SLC35F3: variants seen among roughly 807,000 people sequenced by gnomAD.
SLC35F3 encodes solute carrier family 35 member F3, also known as putative thiamine transporter SLC35F3.
Under a neutral mutation model 49.9 loss-of-function variants are expected in SLC35F3, and 25 were observed. The observed-to-expected ratio is 0.50, with a 90% CI of 0.37 to 0.70. The LOEUF (loss-of-function observed/expected upper bound fraction) is 0.70. Among genes scored for constraint, SLC35F3 ranks in the 30% least tolerant of loss-of-function variants. SLC35F3 has a pLI of 0.00. For synonymous variants in SLC35F3, 275 were observed against 265.4 expected (o/e 1.04, Z -0.35); for missense variants, 525 against 639.8 (o/e 0.82, Z 1.94).
At chr1:234,215,683 T>G (rs1211236677) in intron 2 of SLC35F3, among the ~76,000 whole-genome samples, 1 of 152,234 alleles carries the variant, frequency 6.6e-6, no homozygotes, top group Non-Finnish European at 1.5e-5. Context: ...ACTTCTTGTT[T>G]ATTACAATGA....
intron 2 of SLC35F3, among the ~76,000 whole-genome samples, chr1:234,048,029 G>A (rs1427993111): frequency 6.6e-6 from 1 of 152,074 alleles, no homozygotes; most frequent in Non-Finnish European, 1.5e-5. Context: ...ATTGGAAATT[G>A]GAGGAAAGAT....
At chr1:233,925,743 TTTGG>T (rs1213637953) in intron 2 of SLC35F3, among the ~76,000 whole-genome samples, 4 of 152,250 alleles carry the variant, frequency 2.6e-5, no homozygotes, top group African/African-American at 9.6e-5. Flanking sequence ...GTCTTTACAA[TTTGG>T]CATGTTTTTA....
At chr1:234,089,367 A>G (rs958435813) in intron 2 of SLC35F3, among the ~76,000 whole-genome samples, 1 of 152,132 alleles carries the variant, frequency 6.6e-6, no homozygotes, top group Non-Finnish European at 1.5e-5. Flanking sequence ...TGGAGAGAGA[A>G]CCAAGGGGCT....
At chr1:234,252,998 C>T (rs1558274508) in intron 3 of SLC35F3, among the ~76,000 whole-genome samples, 1 of 152,150 alleles carries the variant, frequency 6.6e-6, no homozygotes, top group Non-Finnish European at 1.5e-5. Flanking sequence ...CAGGAACTGG[C>T]TAAAGAGATT....
intron 2 of SLC35F3, among the ~76,000 whole-genome samples, chr1:233,969,064 G>C (rs936667047): frequency 6.6e-6 from 1 of 150,608 alleles, no homozygotes; most frequent in Admixed American, 6.6e-5. Flanking sequence ...ATATTTTGGG[G>C]GGGGGGACAC....
intron 2 of SLC35F3, among the ~76,000 whole-genome samples, chr1:234,034,476 G>A (rs1337602812): frequency 6.6e-6 from 1 of 152,046 alleles, no homozygotes; most frequent in East Asian, 1.9e-4. Flanking sequence ...GTTGGCTATG[G>A]GTTTGTCATA....
At chr1:234,016,328 C>T (rs1314652692) in intron 2 of SLC35F3, among the ~76,000 whole-genome samples, 5 of 152,178 alleles carry the variant, frequency 3.3e-5, no homozygotes, top group Non-Finnish European at 5.9e-5. Flanking sequence ...TGTTGAAGAG[C>T]TATCTGCACT....
rs1298697273 is a variant in SLC35F3 at position 233,957,688 on chromosome 1, G to A, written c.283+51930G>A. Among the ~76,000 whole-genome samples the A allele has an allele frequency of 1.3e-5, 2 of 152,106 alleles. No individual in the cohort carries two copies. The highest frequency in any genetic ancestry group is 4.8e-5 in the African/African-American group (2 of 41,414). ...AAATTAGTTAGGCATGGTGGTGGGT[G>A]CCTGTACTCCCAGCTACTTGGGAGG... On this transcript the variant is annotated intron_variant, in intron 2 of 7. Transcript: ENST00000366618. The surrounding 1 kb of genome is among the most constrained non-coding windows in gnomAD (Gnocchi z 4.0).
intron 3 of SLC35F3, among the ~76,000 whole-genome samples, chr1:234,301,834 A>G (rs1218741499): frequency 6.6e-6 from 1 of 152,262 alleles, no homozygotes; most frequent in Non-Finnish European, 1.5e-5. Flanking sequence ...TGCAGTACAT[A>G]TACACCATGG....
chr1:233,961,452 TC>T (rs1662800220), intron 2 of SLC35F3, among the ~76,000 whole-genome samples: 1 of 139,628 alleles, frequency 7.2e-6, no homozygotes, highest in Non-Finnish European at 1.5e-5. Context: ...TTTTTTTTCC[TC>T]TCTTTTTTTT....
At chr1:233,910,808 G>T (rs10910309) in intron 2 of SLC35F3, among the ~76,000 whole-genome samples, 1 of 151,982 alleles carries the variant, frequency 6.6e-6, no homozygotes, top group Admixed American at 6.5e-5. Flanking sequence ...ATTCACTACA[G>T]GTTCTGGTAT....
At chr1:234,074,377 C>T (rs2102869388) in intron 2 of SLC35F3, among the ~76,000 whole-genome samples, 1 of 152,178 alleles carries the variant, frequency 6.6e-6, no homozygotes, top group African/African-American at 2.4e-5. Flanking sequence ...AAGCAGCTGC[C>T]CTAAAGGAGT....
chr1:234,231,798 G>A lies in SLC35F3; in HGVS notation c.608+57G>A, dbSNP rs943424341. The stretch of plus-strand genomic sequence containing the variant: ...ACCCCGGGCTGCTCCATCCAGCGCT[G>A]ACTCTGCAGAGCTGCCCCTGGTGGC... On this transcript the variant is annotated intron_variant, in intron 3 of 7. Coordinates refer to ENST00000366618, the MANE Select transcript of SLC35F3 (RefSeq NM_173508.4). The surrounding 1 kb of genome is among the most constrained non-coding windows in gnomAD (Gnocchi z 5.4). The A allele has an allele frequency of 4.6e-6, 7 of 1,518,634 alleles. No homozygotes were observed. In the Admixed American group the frequency reaches 7.4e-5, roughly 16 times the overall value. The allele number at this position is 1,518,634 out of a possible 1,614,324, so 94.1% of individuals were successfully genotyped here. A position where few individuals can be genotyped will look rare whatever the true frequency, so the allele number is the denominator to read the frequency against.
At chr1:234,163,364 GGTGGC>G (rs1298029986) in intron 2 of SLC35F3, among the ~76,000 whole-genome samples, 2 of 152,210 alleles carry the variant, frequency 1.3e-5, no homozygotes, top group Non-Finnish European at 2.9e-5. Context: ...TCATGTGATA[GGTGGC>G]ACAGGGAAAG....
At chr1:234,203,851 TA>T (rs1042466003) in intron 2 of SLC35F3, among the ~76,000 whole-genome samples, 1 of 152,244 alleles carries the variant, frequency 6.6e-6, no homozygotes, top group Non-Finnish European at 1.5e-5. Context: ...TGAAAACTTT[TA>T]AAAAGTGGAA....
intron 2 of SLC35F3, among the ~76,000 whole-genome samples, chr1:234,217,993 C>T (rs542185654): frequency 7.9e-4 from 121 of 152,250 alleles, no homozygotes; most frequent in African/African-American, 2.8e-3. Context: ...GCAGAGAGAA[C>T]ATGGATGCTA....
intron 2 of SLC35F3, among the ~76,000 whole-genome samples, chr1:233,979,016 A>G (rs1663136835): frequency 6.6e-6 from 1 of 151,868 alleles, no homozygotes; most frequent in South Asian, 2.1e-4. Flanking sequence ...AGCCTGGACG[A>G]CAGAGTGAAA....
chr1:234,010,065 C>A (rs1663692149), intron 2 of SLC35F3, among the ~76,000 whole-genome samples: 1 of 152,070 alleles, frequency 6.6e-6, no homozygotes, highest in African/African-American at 2.4e-5. Context: ...AATATAAAGT[C>A]ATATTCAAAA....
At chr1:234,066,820 C>CCT (rs1270977124) in intron 2 of SLC35F3, among the ~76,000 whole-genome samples, 7 of 125,498 alleles carry the variant, frequency 5.6e-5, no homozygotes, top group African/African-American at 2.3e-4. Context: ...TGTCTCTGTC[C>CCT]CTCTCTCTCC....
Sources: gnomAD v4.1 joint callset for allele counts (sites outside exome capture counted in the v4.1 genomes callset) on GRCh38, gnomAD v4.1.1 for gene constraint, Gnocchi (gnomAD v3.1) non-coding constraint, MANE v1.5 for transcripts, NCBI Gene and HGNC (gene_info 2026-07-23, HGNC 2026-07-21) for gene names.